BANK1: variants seen among roughly 807,000 people sequenced by gnomAD.
The protein encoded by BANK1 is B cell scaffold protein with ankyrin repeats 1.
Under a neutral mutation model 94.5 loss-of-function variants are expected in BANK1, and 95 were observed. The ratio of observed to expected loss-of-function variants is 1.00; its 90% CI spans 0.85 to 1.19. BANK1 has a LOEUF of 1.19. Ranked by LOEUF, BANK1 falls within the 50% of genes most tolerant of loss-of-function variation. BANK1 has a pLI of 0.00. For missense variants in BANK1, 987 were observed against 932.2 expected (o/e 1.06, Z -0.77); for synonymous variants, 334 against 308.4 (o/e 1.08, Z -0.87).
intron 4 of BANK1, among the ~76,000 whole-genome samples, chr4:101,865,704 A>G (rs1165185075): frequency 6.6e-6 from 1 of 152,158 alleles, no homozygotes; most frequent in African/African-American, 2.4e-5. Context: ...AGACTTAATC[A>G]TAAGAATGTA....
rs138058115 is a variant in BANK1, at chr4:101,829,991, T to G, written c.254T>G (p.Leu85Ter). ...LTSYKCKLLI[L>*]SNSLLRDLTP... The stretch of plus-strand genomic sequence containing the variant: ...TCTTACAAATGTAAACTTTTGATAT[T>G]ATCAAATAGCCTGCTTAGAGACCTA... Residue 85 changes from leucine (L) to a stop codon, truncating the protein, a stop_gained, in exon 2 of 17, where the codon TTA (leucine) becomes TGA (stop). Coordinates refer to ENST00000322953, the MANE Select transcript of BANK1 (RefSeq NM_017935.5). LOFTEE classifies it high-confidence loss of function. 5.6e-6 allele frequency: 9 copies of G among 1,613,132 alleles called. No individual in the cohort carries two copies. Among genetic ancestry groups the G allele is most frequent in the Non-Finnish European group, 7.6e-6 (9 of 1,179,758 alleles).
intron 7 of BANK1, among the ~76,000 whole-genome samples, chr4:101,991,847 C>T (rs561381548): frequency 6.6e-6 from 1 of 152,258 alleles, no homozygotes; most frequent in East Asian, 1.9e-4. Context: ...ATGTACATGT[C>T]TGGTTGGGTC....
At chr4:101,971,961 A>G (rs1349978180) in intron 7 of BANK1, among the ~76,000 whole-genome samples, 1 of 151,964 alleles carries the variant, frequency 6.6e-6, no homozygotes, top group Non-Finnish European at 1.5e-5. Context: ...TGCCTTGGCT[A>G]TTTGGGGTTC....
intron 1 of BANK1, among the ~76,000 whole-genome samples, chr4:101,800,130 G>A (rs1327390261): frequency 1.4e-5 from 1 of 72,960 alleles, no homozygotes; most frequent in African/African-American, 5.2e-5. Context: ...AGGGTTTGTT[G>A]TTGGGTGGGG....
At chr4:101,914,088 A>G (rs1722752609) in intron 6 of BANK1, among the ~76,000 whole-genome samples, 1 of 152,224 alleles carries the variant, frequency 6.6e-6, no homozygotes, top group Non-Finnish European at 1.5e-5. Context: ...ATTCATCTTT[A>G]TCCCAAGTTT....
intron 2 of BANK1, among the ~76,000 whole-genome samples, chr4:101,837,613 C>A (rs1294895317): frequency 6.6e-6 from 1 of 152,020 alleles, no homozygotes; most frequent in African/African-American, 2.4e-5. Context: ...TTTAAAGAAG[C>A]TTTTTATATA....
At chr4:102,002,410 T>C (rs971227920) in intron 7 of BANK1, among the ~76,000 whole-genome samples, 3 of 152,008 alleles carry the variant, frequency 2.0e-5, no homozygotes, top group Non-Finnish European at 4.4e-5. Flanking sequence ...GTGTGTAGTT[T>C]TGAAGAAAAA....
In BANK1 at chr4:102,073,718, G is replaced by C; in HGVS notation, c.2333G>C (p.Gly778Ala). 6.2e-7 allele frequency: 1 copy of C among 1,611,228 alleles called. No individual in the cohort carries two copies. Among genetic ancestry groups the C allele is most frequent in the East Asian group, 2.2e-5 (1 of 44,736 alleles). The change falls in exon 16 of 17, where the codon GGT (glycine) becomes GCT (alanine). Residue 778 changes from glycine to alanine, a missense_variant. Physicochemically the swap from Gly to Ala is moderately conservative, Grantham distance 60 (BLOSUM62 0). Transcript: ENST00000322953. ...PARPQVEKEF[G>A]FCCKKDH ...CGACCCCAAGTTGAAAAGGAATTTG[G>C]TTTCTGTTGCAAGAAAGATCATTAA...
chr4:101,889,058 T>A (rs1349345103), intron 5 of BANK1, among the ~76,000 whole-genome samples: 1 of 152,216 alleles, frequency 6.6e-6, no homozygotes, highest in African/African-American at 2.4e-5. Context: ...GGATCGTTAG[T>A]ATTTAATTAA....
At chr4:101,817,192 AGT>A (rs1469874061) in intron 1 of BANK1, among the ~76,000 whole-genome samples, 1 of 152,144 alleles carries the variant, frequency 6.6e-6, no homozygotes, top group African/African-American at 2.4e-5. Context: ...TACCCAAAGG[AGT>A]GTAAATTGTT....
chr4:102,045,765 A>G (rs1416151095), intron 11 of BANK1, among the ~76,000 whole-genome samples: 1 of 151,490 alleles, frequency 6.6e-6, no homozygotes, highest in Non-Finnish European at 1.5e-5. Context: ...AAGGAGAACT[A>G]CAAACCACTG....
intron 7 of BANK1, among the ~76,000 whole-genome samples, chr4:101,982,717 CATT>C (rs1162720374): frequency 1.4e-4 from 22 of 151,856 alleles, no homozygotes; most frequent in African/African-American, 5.3e-4. Flanking sequence ...AAGAATACAT[CATT>C]ATTATGTAAA....
intron 7 of BANK1, among the ~76,000 whole-genome samples, chr4:102,001,412 C>T (rs1477303617): frequency 6.6e-6 from 1 of 152,114 alleles, no homozygotes; most frequent in East Asian, 1.9e-4. Context: ...CCATCTTGGC[C>T]AACGTGGTGA....
At chr4:101,932,630 C>T (rs375573684) in intron 7 of BANK1, among the ~76,000 whole-genome samples, 1 of 151,544 alleles carries the variant, frequency 6.6e-6, no homozygotes, top group East Asian at 2.0e-4. Flanking sequence ...GTATTATATG[C>T]CATCTGCTAA....
intron 11 of BANK1, among the ~76,000 whole-genome samples, chr4:102,048,852 T>C (rs1727962195): frequency 6.6e-6 from 1 of 152,184 alleles, no homozygotes. Context: ...TGGCACCATT[T>C]CCATGGAAAC....
intron 7 of BANK1, among the ~76,000 whole-genome samples, chr4:102,000,631 G>A (rs1413495240): frequency 6.6e-6 from 1 of 152,104 alleles, no homozygotes; most frequent in Admixed American, 6.6e-5. Context: ...AAAGAAAAAA[G>A]GAAACTGATA....
At chr4:101,886,952 T>A (rs531791537) in intron 5 of BANK1, among the ~76,000 whole-genome samples, 2 of 152,292 alleles carry the variant, frequency 1.3e-5, no homozygotes, top group South Asian at 4.1e-4. Context: ...ATAACATTCA[T>A]CTGAGGACAT....
chr4:101,822,368 GAAA>G (rs200333516), intron 1 of BANK1, among the ~76,000 whole-genome samples: 1 of 142,290 alleles, frequency 7.0e-6, no homozygotes, highest in African/African-American at 2.6e-5. Context: ...CAGAAAAAAA[GAAA>G]AAAAAAAGGC....
At chr4:101,826,876 T>G in intron 1 of BANK1, among the ~76,000 whole-genome samples, 1 of 151,932 alleles carries the variant, frequency 6.6e-6, no homozygotes. Flanking sequence ...CCCTCAGAGA[T>G]AATATTTATA....
Sources: allele counts gnomAD v4.1 joint callset (sites outside exome capture counted in the v4.1 genomes callset), GRCh38; gene constraint gnomAD v4.1.1; transcripts MANE v1.5; gene names NCBI Gene and HGNC (gene_info 2026-07-23, HGNC 2026-07-21).